Variants in EVA1A observed in about 807,000 individuals in gnomAD.
EVA1A encodes the protein eva-1 homolog A, regulator of programmed cell death.
In EVA1A, 7 loss-of-function variants were observed where a neutral mutation model predicts 9.8. The ratio of observed to expected loss-of-function variants is 0.71; its 90% CI spans 0.41 to 1.34. The LOEUF (loss-of-function observed/expected upper bound fraction) is 1.34, where lower values mean the gene tolerates loss of function less well. Ranked by LOEUF, EVA1A falls within the 40% of genes most tolerant of loss-of-function variation. The pLI, the probability that EVA1A is intolerant of heterozygous loss-of-function variation, is 0.01. For missense variants in EVA1A, 206 were observed against 205.9 expected, an observed-to-expected ratio of 1.00 and a Z score of 0.00; for synonymous variants, 90 against 85.6, an observed-to-expected ratio of 1.05 and a Z score of -0.28.
intron 1 of EVA1A, among the ~76,000 whole-genome samples, chr2:75,559,861 C>T (rs1344436850): frequency 1.3e-5 from 2 of 151,884 alleles, no homozygotes; most frequent in African/African-American, 4.8e-5. Flanking sequence ...TCATTTTGCC[C>T]GTTTGTAAAA....
At chr2:75,531,240 A>C (rs1430030951) in intron 1 of EVA1A, among the ~76,000 whole-genome samples, 2 of 152,204 alleles carry the variant, frequency 1.3e-5, no homozygotes, top group African/African-American at 4.8e-5. Context: ...ATAATTTAAA[A>C]ATCAAAAACT....
At chr2:75,539,097 T>A (rs1391836285) in intron 1 of EVA1A, among the ~76,000 whole-genome samples, 1 of 152,238 alleles carries the variant, frequency 6.6e-6, no homozygotes, top group Non-Finnish European at 1.5e-5. Flanking sequence ...TTTTAATGCA[T>A]AATCTTTAGA....
intron 1 of EVA1A, among the ~76,000 whole-genome samples, chr2:75,566,754 TACA>T (rs145718640): frequency 0.029 from 4,351 of 152,318 alleles, 77 homozygotes; most frequent in Non-Finnish European, 0.042. Flanking sequence ...TGCTGCCCAA[TACA>T]ACATTTCTTC....
intron 2 of EVA1A, among the ~76,000 whole-genome samples, chr2:75,521,971 T>C (rs1675248009): frequency 6.6e-6 from 1 of 152,196 alleles, no homozygotes. Context: ...TTTAGCGGTA[T>C]TAAATTTGAA....
chr2:75,507,541 C>A (rs1353288554), intron 3 of EVA1A, among the ~76,000 whole-genome samples: 1 of 152,124 alleles, frequency 6.6e-6, no homozygotes, highest in Non-Finnish European at 1.5e-5. Context: ...ACTCTCCAGC[C>A]TCCTCCCTAG....
rs549682936 is a variant in EVA1A at position 75,524,678 on chromosome 2, T to A, written c.-191-2191A>T. On this transcript the variant is annotated intron_variant, in intron 1 of 3. Coordinates refer to ENST00000393913, the MANE Select transcript of EVA1A (RefSeq NM_001135032.2). ...ATTCTTCAATCTTCTCATTCCATCT[T>A]CTCAGCTTTCCAGAGAAATAGAGGG... Among the ~76,000 whole-genome samples the A allele has an allele frequency of 1.0e-3, 155 of 152,278 alleles. 3 individuals carry two copies. The highest frequency in any genetic ancestry group is 3.6e-3 in the African/African-American group (151 of 41,570).
At chr2:75,531,295 C>T (rs536495680) in intron 1 of EVA1A, among the ~76,000 whole-genome samples, 1 of 152,274 alleles carries the variant, frequency 6.6e-6, no homozygotes, top group African/African-American at 2.4e-5. Flanking sequence ...CATTTTTACA[C>T]TGCTGGTGGG....
upstream of EVA1A, among the ~76,000 whole-genome samples, chr2:75,563,534 C>A (rs553403336): frequency 6.6e-5 from 10 of 152,332 alleles, no homozygotes; most frequent in East Asian, 1.7e-3. Flanking sequence ...AGATACCGAA[C>A]TCTACGCCAA....
At chr2:75,526,412 A>G (rs1336295913) in intron 1 of EVA1A, among the ~76,000 whole-genome samples, 1 of 152,164 alleles carries the variant, frequency 6.6e-6, no homozygotes, top group African/African-American at 2.4e-5. Flanking sequence ...ATTTTTTGAG[A>G]CCTTTCTCTT....
chr2:75,520,125 T>C (rs977317217), intron 2 of EVA1A, among the ~76,000 whole-genome samples: 1 of 152,186 alleles, frequency 6.6e-6, no homozygotes, highest in Non-Finnish European at 1.5e-5. Context: ...ACACAGATAA[T>C]AAGAATGCTT....
At chr2:75,511,990 G>A (rs911540666) in intron 3 of EVA1A, among the ~76,000 whole-genome samples, 6 of 151,922 alleles carry the variant, frequency 3.9e-5, no homozygotes, top group Admixed American at 1.3e-4. Flanking sequence ...GGAGAGTGAT[G>A]AGCAAAATTT....
At chr2:75,504,822 G>A (rs976997650) in intron 3 of EVA1A, among the ~76,000 whole-genome samples, 16 of 152,120 alleles carry the variant, frequency 1.1e-4, no homozygotes, top group Non-Finnish European at 1.9e-4. Flanking sequence ...GGGAGGAAGA[G>A]CATTAGAACA....
At chr2:75,536,838 T>C (rs1214839439) in intron 1 of EVA1A, among the ~76,000 whole-genome samples, 2 of 152,048 alleles carry the variant, frequency 1.3e-5, no homozygotes, top group African/African-American at 4.8e-5. Context: ...AAAAAACAAC[T>C]TCAGGCCTAG....
At chr2:75,515,463 G>A (rs1285817853) in intron 3 of EVA1A, among the ~76,000 whole-genome samples, 1 of 152,172 alleles carries the variant, frequency 6.6e-6, no homozygotes, top group African/African-American at 2.4e-5. Flanking sequence ...GAGTGAGAAA[G>A]GGTCACTTTT....
At chr2:75,513,186 G>A (rs557836304) in intron 3 of EVA1A, among the ~76,000 whole-genome samples, 60 of 152,136 alleles carry the variant, frequency 3.9e-4, no homozygotes, top group Non-Finnish European at 7.2e-4. Context: ...ACAACCTGAT[G>A]TTTTTCTACA....
At chr2:75,562,670 T>C (rs1306496500), upstream of EVA1A, among the ~76,000 whole-genome samples, 18 of 152,168 alleles carry the variant, frequency 1.2e-4, no homozygotes. Context: ...GACTCCAAAT[T>C]CCACACTCTG....
At chr2:75,512,921 A>T (rs558657787) in intron 3 of EVA1A, among the ~76,000 whole-genome samples, 17 of 152,314 alleles carry the variant, frequency 1.1e-4, no homozygotes, top group African/African-American at 4.1e-4. Context: ...ACTGATCTAA[A>T]GATTGAAAAA....
intron 3 of EVA1A, among the ~76,000 whole-genome samples, chr2:75,509,494 T>C (rs923648617): frequency 1.3e-5 from 2 of 152,190 alleles, no homozygotes; most frequent in Admixed American, 6.5e-5. Context: ...TTGTTGCTAA[T>C]TTTGGTTATT....
chr2:75,502,506 T>C (rs1222630622), intron 3 of EVA1A, among the ~76,000 whole-genome samples: 1 of 152,108 alleles, frequency 6.6e-6, no homozygotes, highest in East Asian at 1.9e-4. Flanking sequence ...TGCTTAAAAA[T>C]ATTAGGGTAT....
Sources: gnomAD v4.1 joint callset for allele counts (sites outside exome capture counted in the v4.1 genomes callset) on GRCh38, gnomAD v4.1.1 for gene constraint, MANE v1.5 for transcripts, NCBI Gene and HGNC (gene_info 2026-07-23, HGNC 2026-07-21) for gene names.